The following BCL2L14 variants were observed in gnomAD, a reference collection of about 807,000 sequenced individuals.
BCL2L14 encodes the protein BCL2 like 14.
Under a neutral mutation model 35.3 loss-of-function variants are expected in BCL2L14, and 27 were observed. The ratio of observed to expected loss-of-function variants is 0.76; its 90% CI spans 0.56 to 1.05. The LOEUF (loss-of-function observed/expected upper bound fraction) is 1.05. BCL2L14 is among the 50% of genes least tolerant of loss of function. The pLI is 0.00. For synonymous variants in BCL2L14, 139 were observed against 145.9 expected, an observed-to-expected ratio of 0.95 and a Z score of 0.34; for missense variants, 377 against 382.6, an observed-to-expected ratio of 0.99 and a Z score of 0.12.
chr12:12,070,032 T>C (rs1223613263), upstream of BCL2L14, among the ~76,000 whole-genome samples: 4 of 152,198 alleles, frequency 2.6e-5, no homozygotes, highest in Admixed American at 2.6e-4. Context: ...TGGCCATATA[T>C]ATCTATTTCA....
At chr12:12,052,640 G>A (rs762027392) in intron 2 of BCL2L14, among the ~76,000 whole-genome samples, 1 of 152,128 alleles carries the variant, frequency 6.6e-6, no homozygotes, top group East Asian at 1.9e-4. Context: ...CACCTAGATT[G>A]ATTCCATATC....
chr12:12,097,564 A>G (rs1361836605), intron 5 of BCL2L14, among the ~76,000 whole-genome samples: 1 of 152,218 alleles, frequency 6.6e-6, no homozygotes, highest in East Asian at 1.9e-4. Flanking sequence ...AGGGATGTGA[A>G]GTTTATTTTT....
Position 12,099,047 on chromosome 12 carries a change from C to A in BCL2L14, c.*59C>A. On this transcript the variant is annotated 3_prime_UTR_variant, in exon 6 of 6. Coordinates refer to ENST00000308721, the MANE Select transcript of BCL2L14 (RefSeq NM_138723.2). ...CTACTGTGGTCCTGTGCACGTTGGC[C>A]TCAGATGGACTACAGGAGATTACAA... The A allele has an allele frequency of 8.3e-7, 1 of 1,202,264 alleles. No homozygotes were observed. The highest frequency in any genetic ancestry group is 1.2e-6 in the Non-Finnish European group (1 of 805,464). The allele number at this position is 1,202,264 out of a possible 1,614,324, so 74.5% of individuals were successfully genotyped here.
At chr12:12,059,455 T>A (rs1948489142) in intron 2 of BCL2L14, among the ~76,000 whole-genome samples, 1 of 151,606 alleles carries the variant, frequency 6.6e-6, no homozygotes, top group Non-Finnish European at 1.5e-5. Flanking sequence ...TGTGCCCCAA[T>A]CCCTTATTTC....
intron 1 of BCL2L14, 80 bp from the exon 2 acceptor site, chr12:12,079,219 T>C: frequency 5.7e-6 from 7 of 1,217,400 alleles, no homozygotes; most frequent in Non-Finnish European, 8.2e-6. Context: ...GTTTCCTGAG[T>C]TTTCACCCCT....
intron 2 of BCL2L14, among the ~76,000 whole-genome samples, chr12:12,060,316 T>C (rs923991799): frequency 1.9e-5 from 1 of 51,486 alleles, no homozygotes; most frequent in African/African-American, 8.6e-5. Context: ...TTTCATCAAA[T>C]ATAAAAAACC....
intron 2 of BCL2L14, among the ~76,000 whole-genome samples, chr12:12,086,829 A>C (rs1949053393): frequency 6.6e-6 from 1 of 152,382 alleles, no homozygotes; most frequent in South Asian, 2.1e-4. Context: ...GCTGGCTCTT[A>C]GAGGTATAAA....
intron 2 of BCL2L14, among the ~76,000 whole-genome samples, chr12:12,059,183 A>G (rs527872701): frequency 1.3e-5 from 2 of 152,326 alleles, no homozygotes; most frequent in Non-Finnish European, 2.9e-5. Context: ...CACGTTTCAG[A>G]GGTGTCAGAC....
At chr12:12,093,266 G>A (rs545636434) in intron 4 of BCL2L14, among the ~76,000 whole-genome samples, 33 of 152,200 alleles carry the variant, frequency 2.2e-4, no homozygotes, top group African/African-American at 7.0e-4. Flanking sequence ...CCATGCTCCC[G>A]TAGCATCCTG....
intron 2 of BCL2L14, among the ~76,000 whole-genome samples, chr12:12,081,989 A>G (rs552067366): frequency 6.6e-6 from 1 of 152,358 alleles, no homozygotes; most frequent in East Asian, 1.9e-4. Flanking sequence ...TGCTTGGAGA[A>G]TCAGCCCACT....
chr12:12,054,849 G>A (rs527741424), intron 2 of BCL2L14: 11 of 152,016 alleles, frequency 7.2e-5, no homozygotes, highest in African/African-American at 2.7e-4. Flanking sequence ...TCGGGAGGCT[G>A]AGGCAGGAGA....
chr12:12,073,015 T>G (rs1471388428), intron 1 of BCL2L14, among the ~76,000 whole-genome samples: 1 of 152,066 alleles, frequency 6.6e-6, no homozygotes, highest in East Asian at 1.9e-4. Flanking sequence ...GCCTCCCAAG[T>G]GGCTGGGACT....
At chr12:12,093,457 C>G (rs1250725276) in intron 4 of BCL2L14, among the ~76,000 whole-genome samples, 1 of 151,828 alleles carries the variant, frequency 6.6e-6, no homozygotes, top group Admixed American at 6.6e-5. Flanking sequence ...ATATAGTAAG[C>G]CTTGTCCCTA....
intron 2 of BCL2L14, among the ~76,000 whole-genome samples, chr12:12,062,170 TC>T: frequency 6.6e-6 from 1 of 151,658 alleles, no homozygotes; most frequent in East Asian, 1.9e-4. Context: ...GCTCCCCGGC[TC>T]CTTCAGCTGT....
chr12:12,050,432 C>CAAAAAAAA (rs774928633), intron 1 of BCL2L14, among the ~76,000 whole-genome samples: 8 of 70,044 alleles, frequency 1.1e-4, no homozygotes, highest in Non-Finnish European at 2.2e-4. Flanking sequence ...GACACCATCT[C>CAAAAAAAA]AAAAAAAAAA....
At chr12:12,093,936 T>G (rs1302779086) in intron 4 of BCL2L14, among the ~76,000 whole-genome samples, 1 of 150,886 alleles carries the variant, frequency 6.6e-6, no homozygotes, top group Non-Finnish European at 1.5e-5. Context: ...AAACTCTATC[T>G]CTACAAAAAA....
intron 4 of BCL2L14, among the ~76,000 whole-genome samples, chr12:12,091,708 T>A (rs775982054): frequency 5.3e-5 from 8 of 152,032 alleles, no homozygotes; most frequent in Non-Finnish European, 7.4e-5. Flanking sequence ...TGGGACAGAA[T>A]GAGAAACAGC....
intron 4 of BCL2L14, among the ~76,000 whole-genome samples, chr12:12,092,809 G>A (rs1949221102): frequency 6.6e-6 from 1 of 152,132 alleles, no homozygotes; most frequent in African/African-American, 2.4e-5. Flanking sequence ...GCGTGGTTCA[G>A]GGAAAAGACA....
chr12:12,081,989 A>T (rs552067366), intron 2 of BCL2L14, among the ~76,000 whole-genome samples: 1 of 152,240 alleles, frequency 6.6e-6, no homozygotes, highest in Non-Finnish European at 1.5e-5. Context: ...TGCTTGGAGA[A>T]TCAGCCCACT....
Sources: gnomAD v4.1 joint callset for allele counts (sites outside exome capture counted in the v4.1 genomes callset) on GRCh38, gnomAD v4.1.1 for gene constraint, MANE v1.5 for transcripts, NCBI Gene and HGNC (gene_info 2026-07-23, HGNC 2026-07-21) for gene names.